DIAPH2: variants seen among roughly 807,000 people sequenced by gnomAD.
DIAPH2 encodes the protein protein diaphanous homolog 2.
In DIAPH2, 35 loss-of-function variants were observed where a neutral mutation model predicts 92.7. That is an observed-to-expected ratio of 0.38 (90% CI 0.29 to 0.50). The LOEUF (loss-of-function observed/expected upper bound fraction) is 0.50. Among genes scored for constraint, DIAPH2 ranks in the 20% least tolerant of loss-of-function variants. The pLI, the probability that DIAPH2 is intolerant of heterozygous loss-of-function variation, is 0.94. For missense variants in DIAPH2, 701 were observed against 819.5 expected (o/e 0.86, Z 1.77); for synonymous variants, 301 against 280.4 (o/e 1.07, Z -0.73).
Position 97,253,293 on chromosome X carries a change from A to AAAAAAAAT in DIAPH2, c.2844+5458_2844+5459insAAATAAAA, listed in dbSNP as rs748186406. On this transcript the variant is annotated intron_variant, in intron 23 of 26. Coordinates refer to ENST00000324765, the MANE Select transcript of DIAPH2 (RefSeq NM_006729.5). ...GCAAAAAGAGTAGGACTCCGTAAAA[A>AAAAAAAAT]AAAATAAAATAAAATAAAATAAAAA... is the stretch of plus-strand genomic sequence containing the variant. Among the ~76,000 whole-genome samples, 497 of 91,750 alleles carry AAAAAAAAT rather than the reference A, an allele frequency of 5.4e-3. 1 individual carries two copies. Among genetic ancestry groups the AAAAAAAAT allele is most frequent in the African/African-American group, 0.019 (467 of 25,114 alleles). The allele number at this position is 91,750 out of a possible 115,157, so 79.7% of individuals were successfully genotyped here.
chrX:97,245,241 C>T (rs915914025), intron 22 of DIAPH2, among the ~76,000 whole-genome samples: 1 of 110,608 alleles, frequency 9.0e-6, no homozygotes, highest in African/African-American at 3.3e-5. Flanking sequence ...CAGGCTCAAG[C>T]GATCCTCCTA....
intron 17 of DIAPH2, among the ~76,000 whole-genome samples, chrX:97,040,343 A>T (rs1437951836): frequency 9.0e-6 from 1 of 110,691 alleles, no homozygotes; most frequent in Non-Finnish European, 1.9e-5. Context: ...GTAGAGAAAC[A>T]TATTATTCCC....
At chrX:97,461,861 T>C (rs1282387727) in intron 26 of DIAPH2, among the ~76,000 whole-genome samples, 1 of 111,632 alleles carries the variant, frequency 9.0e-6, no homozygotes, top group African/African-American at 3.3e-5. Flanking sequence ...TAAAATAGCA[T>C]AAAAGAGAGT....
chrX:97,510,227 T>C (rs370439497), intron 26 of DIAPH2, among the ~76,000 whole-genome samples: 1 of 110,587 alleles, frequency 9.0e-6, no homozygotes, highest in East Asian at 2.8e-4. Flanking sequence ...GGTATCTCAT[T>C]ATGGTTTTGA....
intron 21 of DIAPH2, among the ~76,000 whole-genome samples, chrX:97,117,240 T>C (rs1350303915): frequency 1.8e-5 from 2 of 111,612 alleles, no homozygotes; most frequent in Non-Finnish European, 3.8e-5. Flanking sequence ...AGGATGTTCC[T>C]GGAATACAAA....
At chrX:97,267,777 C>T (rs1386369300) in intron 23 of DIAPH2, among the ~76,000 whole-genome samples, 1 of 111,554 alleles carries the variant, frequency 9.0e-6, no homozygotes, top group African/African-American at 3.3e-5. Flanking sequence ...AGGCGCCTCA[C>T]GTACATAACT....
chrX:97,355,647 G>GT (rs755530108), intron 24 of DIAPH2, among the ~76,000 whole-genome samples: 9 of 110,794 alleles, frequency 8.1e-5, no homozygotes, highest in Admixed American at 1.9e-4. Flanking sequence ...TAATGATATA[G>GT]TTTTTTTTGT....
At chrX:97,217,233 A>G (rs1436772059) in intron 22 of DIAPH2, among the ~76,000 whole-genome samples, 4 of 111,599 alleles carry the variant, frequency 3.6e-5, no homozygotes, top group Non-Finnish European at 7.5e-5. Context: ...ATTTAAAACT[A>G]TGGGACTGTT....
intron 4 of DIAPH2, among the ~76,000 whole-genome samples, chrX:96,805,415 T>C (rs1342287874): frequency 1.8e-5 from 2 of 110,971 alleles, no homozygotes; most frequent in East Asian, 2.8e-4. Context: ...CAAGAAGATA[T>C]CTGGTATGGT....
At chrX:96,695,883 AT>A (rs2063822661) in intron 1 of DIAPH2, among the ~76,000 whole-genome samples, 1 of 111,618 alleles carries the variant, frequency 9.0e-6, no homozygotes, top group Non-Finnish European at 1.9e-5. Context: ...ATTTTAAAGC[AT>A]TTCCTATCCT....
At chrX:97,306,141 G>A (rs976300015) in intron 23 of DIAPH2, among the ~76,000 whole-genome samples, 10 of 111,270 alleles carry the variant, frequency 9.0e-5, no homozygotes, top group Middle Eastern at 4.2e-3. Context: ...ATCCAGATTG[G>A]CAGCAAATCC....
At chrX:96,739,200 CAA>C (rs1199765851) in intron 3 of DIAPH2, among the ~76,000 whole-genome samples, 1 of 111,370 alleles carries the variant, frequency 9.0e-6, no homozygotes, top group Non-Finnish European at 1.9e-5. Context: ...TTAATTCATC[CAA>C]GTTTGTTCTA....
chrX:97,142,911 A>G (rs1483659518), intron 22 of DIAPH2, among the ~76,000 whole-genome samples: 2 of 111,710 alleles, frequency 1.8e-5, no homozygotes, highest in East Asian at 5.6e-4. Flanking sequence ...TAGTGAATCT[A>G]TAAAACCCAG....
intron 26 of DIAPH2, among the ~76,000 whole-genome samples, chrX:97,567,808 G>C (rs2071337402): frequency 9.0e-6 from 1 of 110,979 alleles, no homozygotes; most frequent in Non-Finnish European, 1.9e-5. Context: ...CAAGTGTGTT[G>C]CTTTTTTCCT....
intron 26 of DIAPH2, among the ~76,000 whole-genome samples, chrX:97,493,440 T>C (rs1238739460): frequency 9.0e-6 from 1 of 110,726 alleles, no homozygotes; most frequent in Non-Finnish European, 1.9e-5. Context: ...TTTTTATTTT[T>C]AGTAGAGACG....
At chrX:97,008,605 A>G (rs2066201542) in intron 17 of DIAPH2, among the ~76,000 whole-genome samples, 1 of 111,606 alleles carries the variant, frequency 9.0e-6, no homozygotes, top group Non-Finnish European at 1.9e-5. Flanking sequence ...ATTGTGATCT[A>G]AGTTTTTGGT....
intron 26 of DIAPH2, among the ~76,000 whole-genome samples, chrX:97,598,790 C>T (rs1288947657): frequency 6.3e-5 from 7 of 111,803 alleles, no homozygotes; most frequent in Non-Finnish European, 5.6e-5. Context: ...GTGATTGCCA[C>T]ATATTGCAAT....
Position 96,965,078 on chromosome X carries a change from T to C in DIAPH2, c.1936-15T>C. On this transcript the variant is annotated splice_polypyrimidine_tract_variant and intron_variant, in intron 16 of 26. Transcript: ENST00000324765. ...GTTATAATTTAGAATCTATTCTTTGTTATTTTTGTTTCAGATTGAACCCAC... is the reference window on the plus strand; with the variant it reads ...GTTATAATTTAGAATCTATTCTTTGCTATTTTTGTTTCAGATTGAACCCAC... The C allele has an allele frequency of 8.5e-7, 1 of 1,179,260 alleles. No individual in the cohort carries two copies. The highest frequency in any genetic ancestry group is 1.1e-6 in the Non-Finnish European group (1 of 877,563).
chrX:97,047,542 CTTTTTTTTTTTTTTTTT>C (rs5903064), intron 17 of DIAPH2, among the ~76,000 whole-genome samples: 4 of 30,100 alleles, frequency 1.3e-4, no homozygotes, highest in African/African-American at 6.3e-4. Context: ...ATAAAATAGG[CTTTTTTTTTTTTTTTTT>C]TTTTTTTTTT....
Sources: allele counts gnomAD v4.1 joint callset (sites outside exome capture counted in the v4.1 genomes callset), GRCh38; gene constraint gnomAD v4.1.1; transcripts MANE v1.5; gene names NCBI Gene and HGNC (gene_info 2026-07-23, HGNC 2026-07-21).